Variants in LPP observed in about 807,000 individuals in gnomAD.
LPP encodes LIM domain containing preferred translocation partner in lipoma.
Under a neutral mutation model 60.4 loss-of-function variants are expected in LPP, and 38 were observed. That is an observed-to-expected ratio of 0.63 (90% CI 0.49 to 0.83). The LOEUF is 0.83. LPP is among the 40% of genes least tolerant of loss of function. LPP has a pLI of 0.00. For missense variants in LPP, 902 were observed against 783.6 expected (o/e 1.15, Z -1.80); for synonymous variants, 328 against 290.8 (o/e 1.13, Z -1.30).
At chr3:188,175,211 A>T (rs1722736296) in intron 1 of LPP, among the ~76,000 whole-genome samples, 1 of 151,996 alleles carries the variant, frequency 6.6e-6, no homozygotes, top group African/African-American at 2.4e-5. Context: ...TCAGCCTCCC[A>T]AGTAGCTGGG....
At chr3:188,275,917 T>G (rs540781857) in intron 2 of LPP, among the ~76,000 whole-genome samples, 1 of 152,162 alleles carries the variant, frequency 6.6e-6, no homozygotes, top group East Asian at 1.9e-4. Context: ...CCCGTGATCC[T>G]CCTGCCTCAG....
intron 8 of LPP, among the ~76,000 whole-genome samples, chr3:188,757,889 G>GTTTTTTGTTTTTTTT (rs1553833771): frequency 1.4e-4 from 11 of 78,736 alleles, no homozygotes; most frequent in Admixed American, 3.1e-4. Context: ...TGTTTTTTTG[G>GTTTTTTGTTTTTTTT]TTTTTTTTTT....
chr3:188,615,158 C>G (rs1013901364), intron 7 of LPP, among the ~76,000 whole-genome samples: 1 of 152,190 alleles, frequency 6.6e-6, no homozygotes, highest in Non-Finnish European at 1.5e-5. Flanking sequence ...AAGTTCCCAA[C>G]CAGTTGCAGA....
chr3:188,711,653 G>A (rs62290056), intron 8 of LPP: 8,664 of 152,196 alleles, frequency 0.057, 310 homozygotes, highest in Non-Finnish European at 0.085. Context: ...AGTGCCTATG[G>A]TAATATTCAG....
At chr3:188,563,730 T>TTG (rs1831394997) in intron 6 of LPP, among the ~76,000 whole-genome samples, 1 of 149,562 alleles carries the variant, frequency 6.7e-6, no homozygotes, top group African/African-American at 2.5e-5. Flanking sequence ...TTTTTTTTGT[T>TTG]TTTTTTTTGT....
rs552910306 is a variant in LPP, at chr3:188,288,128, G to A, written c.-66-53535G>A. Among the ~76,000 whole-genome samples the A allele has an allele frequency of 2.6e-5, 4 of 152,260 alleles. No individual in the cohort carries two copies. In the South Asian group the frequency reaches 8.3e-4, roughly 32 times the overall value. ...ATTTTTATTTTGAAAAACAAAAGTG[G>A]GAGAAAGATTTGGCTTTTTTGTTTT... On this transcript the variant is annotated intron_variant, in intron 2 of 11. Transcript: ENST00000617246.
intron 7 of LPP, among the ~76,000 whole-genome samples, chr3:188,613,300 AT>A (rs1422781791): frequency 6.8e-6 from 1 of 146,170 alleles, no homozygotes; most frequent in Non-Finnish European, 1.5e-5. Flanking sequence ...ATCTATATCT[AT>A]ATCTATATCT....
intron 4 of LPP, among the ~76,000 whole-genome samples, chr3:188,440,735 C>T (rs1278472108): frequency 6.6e-6 from 1 of 152,114 alleles, no homozygotes; most frequent in African/African-American, 2.4e-5. Context: ...TGCAGTTTGA[C>T]CTTTGGGGTT....
chr3:188,264,129 C>A (rs557653162), intron 2 of LPP, among the ~76,000 whole-genome samples: 1 of 152,200 alleles, frequency 6.6e-6, no homozygotes, highest in East Asian at 1.9e-4. Flanking sequence ...ATATAAACAG[C>A]TGGAGAGTAG....
intron 5 of LPP, among the ~76,000 whole-genome samples, chr3:188,512,768 A>C (rs1250164360): frequency 6.6e-6 from 1 of 152,156 alleles, no homozygotes; most frequent in African/African-American, 2.4e-5. Context: ...ATGATGAGCT[A>C]ATGTATAAAG....
chr3:188,608,319 C>G (rs945453608), intron 6 of LPP, among the ~76,000 whole-genome samples: 4 of 152,196 alleles, frequency 2.6e-5, no homozygotes, highest in African/African-American at 4.8e-5. Context: ...TCAGGCCTTT[C>G]TCATCTTTAA....
At chr3:188,834,324 G>GTTTTTTTTTTTTTTTTTTTGTTT (rs1757817223) in intron 9 of LPP, among the ~76,000 whole-genome samples, 1 of 34,078 alleles carries the variant, frequency 2.9e-5, no homozygotes, top group East Asian at 1.9e-3. Context: ...CTTTTTGGGT[G>GTTTTTTTTTTTTTTTTTTTGTTT]TTTTTTTTTT....
chr3:188,699,641 T>C (rs1201376791), intron 7 of LPP, among the ~76,000 whole-genome samples: 4 of 152,188 alleles, frequency 2.6e-5, no homozygotes, highest in Non-Finnish European at 5.9e-5. Flanking sequence ...AAATGGAACA[T>C]AAGAATAGAA....
At chr3:188,824,014 T>C (rs1165572535) in intron 9 of LPP, among the ~76,000 whole-genome samples, 2 of 152,202 alleles carry the variant, frequency 1.3e-5, no homozygotes, top group Non-Finnish European at 2.9e-5. Flanking sequence ...ATTTTACTTA[T>C]AATAATCCAT....
intron 3 of LPP, among the ~76,000 whole-genome samples, chr3:188,387,712 G>T (rs1181022563): frequency 6.6e-6 from 1 of 151,702 alleles, no homozygotes. Flanking sequence ...GATTACAGGT[G>T]TGCGCCACCA....
chr3:188,374,691 C>A (rs1321371268), intron 3 of LPP, among the ~76,000 whole-genome samples: 1 of 152,180 alleles, frequency 6.6e-6, no homozygotes, highest in East Asian at 1.9e-4. Context: ...AATTTAATAC[C>A]CTTTATTTCC....
intron 2 of LPP, among the ~76,000 whole-genome samples, chr3:188,299,170 C>G (rs1042250321): frequency 6.6e-6 from 1 of 152,192 alleles, no homozygotes; most frequent in African/African-American, 2.4e-5. Context: ...CACACAGCCT[C>G]GGACTCTCCC....
At chr3:188,537,814 G>T (rs972397129) in intron 6 of LPP, among the ~76,000 whole-genome samples, 1 of 152,110 alleles carries the variant, frequency 6.6e-6, no homozygotes, top group South Asian at 2.1e-4. Context: ...AGATGAGGAA[G>T]TTTCCGACAC....
At chr3:188,589,340 A>C (rs190689599) in intron 6 of LPP, among the ~76,000 whole-genome samples, 53 of 152,264 alleles carry the variant, frequency 3.5e-4, no homozygotes, top group Admixed American at 3.5e-3. Context: ...TTAGATCTCA[A>C]GTTTTGCAAA....
Sources: gnomAD v4.1 joint callset for allele counts (sites outside exome capture counted in the v4.1 genomes callset) on GRCh38, gnomAD v4.1.1 for gene constraint, MANE v1.5 for transcripts, NCBI Gene and HGNC (gene_info 2026-07-23, HGNC 2026-07-21) for gene names.